Variants in BTRC observed in about 807,000 individuals in gnomAD.
BTRC encodes F-box/WD repeat-containing protein 1A.
A neutral mutation model predicts 85.5 loss-of-function variants in BTRC; 42 were observed. The ratio of observed to expected loss-of-function variants is 0.49; its 90% CI spans 0.38 to 0.64. BTRC has a LOEUF of 0.64. BTRC is among the 30% of genes least tolerant of loss of function. The pLI is 0.00. For synonymous variants in BTRC, 255 were observed against 263.3 expected (o/e 0.97, Z 0.30); for missense variants, 594 against 743.5 (o/e 0.80, Z 2.34).
intron 7 of BTRC, among the ~76,000 whole-genome samples, 159 bp downstream of exon 7, chr10:101,531,492 T>G (rs9420859): frequency 1.3e-5 from 2 of 151,892 alleles, no homozygotes; most frequent in Non-Finnish European, 2.9e-5. Flanking sequence ...AATCCCAGCA[T>G]TTTTGGAGGC....
chr10:101,364,516 C>T (rs764547762), intron 1 of BTRC, among the ~76,000 whole-genome samples: 13 of 152,160 alleles, frequency 8.5e-5, no homozygotes, highest in Non-Finnish European at 1.3e-4. Flanking sequence ...TCCATCTCTT[C>T]GCTGCACCTA....
At chr10:101,367,906 C>A (rs559590239) in intron 1 of BTRC, among the ~76,000 whole-genome samples, 1 of 152,234 alleles carries the variant, frequency 6.6e-6, no homozygotes, top group Non-Finnish European at 1.5e-5. Context: ...TATAAATAAT[C>A]TTGTACAGTT....
chr10:101,354,273 T>G (rs1466769125), intron 1 of BTRC, 45 bp downstream of exon 1: 2 of 1,545,672 alleles, frequency 1.3e-6, no homozygotes, highest in Non-Finnish European at 1.7e-6. Context: ...GCGCTGGCGT[T>G]GGCGGCGTCG....
intron 1 of BTRC, among the ~76,000 whole-genome samples, chr10:101,417,772 C>G (rs1294795915): frequency 6.6e-6 from 1 of 152,086 alleles, no homozygotes; most frequent in Non-Finnish European, 1.5e-5. Flanking sequence ...CTCCTGGGCT[C>G]AAGTGATCTT....
chr10:101,407,231 C>T (rs535443859), intron 1 of BTRC, among the ~76,000 whole-genome samples: 3 of 152,136 alleles, frequency 2.0e-5, no homozygotes, highest in East Asian at 3.9e-4. Flanking sequence ...ACCTGTAGTC[C>T]CATCTACTTG....
intron 1 of BTRC, among the ~76,000 whole-genome samples, chr10:101,424,889 G>A (rs1264356755): frequency 6.6e-6 from 1 of 152,174 alleles, no homozygotes; most frequent in Non-Finnish European, 1.5e-5. Flanking sequence ...TGGAGTCTGA[G>A]TGAATCTCAC....
At chr10:101,356,800 C>T (rs1942046731) in intron 1 of BTRC, among the ~76,000 whole-genome samples, 1 of 152,130 alleles carries the variant, frequency 6.6e-6, no homozygotes, top group Admixed American at 6.6e-5. Context: ...GCCATTTACC[C>T]TGCTATAACA....
chr10:101,499,011 A>G (rs932857471), intron 4 of BTRC, among the ~76,000 whole-genome samples: 35 of 152,170 alleles, frequency 2.3e-4, no homozygotes, highest in South Asian at 1.7e-3. Flanking sequence ...AAACAGAAAA[A>G]AATAATAATA....
chr10:101,364,694 CTG>C (rs999148203), intron 1 of BTRC, among the ~76,000 whole-genome samples: 1 of 152,038 alleles, frequency 6.6e-6, no homozygotes, highest in Non-Finnish European at 1.5e-5. Flanking sequence ...CTACACCAAA[CTG>C]TTAATGTGGT....
intron 13 of BTRC, among the ~76,000 whole-genome samples, chr10:101,549,713 C>CAAAAAAAAAATAAAAA (rs2062618384): frequency 2.3e-5 from 1 of 42,770 alleles, no homozygotes; most frequent in Non-Finnish European, 3.6e-5. Context: ...GACTCTGTCT[C>CAAAAAAAAAATAAAAA]AAAAAAAAAA....
At chr10:101,471,626 G>A (rs1326876263) in intron 3 of BTRC, among the ~76,000 whole-genome samples, 2 of 152,002 alleles carry the variant, frequency 1.3e-5, no homozygotes, top group East Asian at 3.8e-4. Context: ...ATCCTCCTCT[G>A]TTTTCTAAAA....
At chr10:101,499,272 G>A (rs543695302) in intron 4 of BTRC, among the ~76,000 whole-genome samples, 1 of 151,708 alleles carries the variant, frequency 6.6e-6, no homozygotes, top group Non-Finnish European at 1.5e-5. Context: ...CAGGAGTCTC[G>A]TTCTGTCGGG....
chr10:101,510,943 C>G (rs1946686794), intron 4 of BTRC, among the ~76,000 whole-genome samples: 1 of 152,276 alleles, frequency 6.6e-6, no homozygotes, highest in South Asian at 2.1e-4. Context: ...TCTAATTGAT[C>G]TTTCTTCCTC....
At position 101,531,257 on chromosome 10, in the gene BTRC, A is replaced by T; in HGVS notation, c.764A>T (p.Asn255Ile). 1 of 1,607,954 alleles carries T rather than the reference A, an allele frequency of 6.2e-7. No homozygotes were observed. Among genetic ancestry groups the T allele is most frequent in the South Asian group, 1.1e-5 (1 of 90,786 alleles). The change falls in exon 7 of 15, where the codon AAC becomes ATC. Residue 255 changes from asparagine (N) to isoleucine (I), a missense_variant. This residue lies in a region of BTRC where 373 missense variants were observed against 503.6 expected (regional missense o/e 0.74). Coordinates refer to ENST00000370187, the MANE Select transcript of BTRC (RefSeq NM_033637.4). ...TTTAGGGGACAGTATTTATTCAAAA[A>T]CAAACCTCCTGACGGGAATGCTCCT... ...RRGWGQYLFK[N>I]KPPDGNAPPN...
chr10:101,392,912 T>C (rs939306630), intron 1 of BTRC, among the ~76,000 whole-genome samples: 7 of 152,304 alleles, frequency 4.6e-5, no homozygotes, highest in African/African-American at 1.4e-4. Context: ...CCCATATCCC[T>C]TTTTATGGTC....
intron 4 of BTRC, among the ~76,000 whole-genome samples, chr10:101,485,398 C>T (rs916230308): frequency 1.3e-5 from 2 of 152,234 alleles, no homozygotes; most frequent in Admixed American, 1.3e-4. Flanking sequence ...GCCTGAAGTC[C>T]AGCCGCATTG....
intron 1 of BTRC, among the ~76,000 whole-genome samples, chr10:101,428,150 G>A (rs1944309910): frequency 6.6e-6 from 1 of 152,118 alleles, no homozygotes; most frequent in South Asian, 2.1e-4. Flanking sequence ...GGATTGGCAG[G>A]ATGACAGGGA....
chr10:101,467,211 A>T (rs1194407718), intron 3 of BTRC, among the ~76,000 whole-genome samples: 1 of 148,158 alleles, frequency 6.7e-6, no homozygotes, highest in Non-Finnish European at 1.5e-5. Context: ...AAAAAAAAAC[A>T]CAGAATTTGC....
intron 3 of BTRC, among the ~76,000 whole-genome samples, chr10:101,473,372 CCTT>C (rs1945587968): frequency 6.6e-6 from 1 of 151,682 alleles, no homozygotes; most frequent in Middle Eastern, 3.2e-3. Flanking sequence ...GCAGCCTTGA[CCTT>C]CTGGGCTCAA....
Sources: allele counts gnomAD v4.1 joint callset (sites outside exome capture counted in the v4.1 genomes callset), GRCh38; gene constraint gnomAD v4.1.1; regional missense constraint gnomAD v4.1.1; transcripts MANE v1.5; gene names NCBI Gene and HGNC (gene_info 2026-07-23, HGNC 2026-07-21).